The following SYT1 variants were observed in gnomAD, a reference collection of about 807,000 sequenced individuals.
SYT1 encodes the protein synaptotagmin 1.
In SYT1, 8 loss-of-function variants were observed where a neutral mutation model predicts 44.8. That is an observed-to-expected ratio of 0.18 (90% confidence interval 0.10 to 0.32). The LOEUF (loss-of-function observed/expected upper bound fraction) is 0.32. SYT1 is among the 10% of genes least tolerant of loss of function. The pLI, the probability that SYT1 is intolerant of heterozygous loss-of-function variation, is 1.00. For missense variants in SYT1, 286 were observed against 509.3 expected (o/e 0.56, Z 4.22); for synonymous variants, 154 against 188.8 (o/e 0.82, Z 1.51).
At chr12:79,180,698 A>G (rs1172497021) in intron 3 of SYT1, among the ~76,000 whole-genome samples, 1 of 151,990 alleles carries the variant, frequency 6.6e-6, no homozygotes, top group Non-Finnish European at 1.5e-5. Flanking sequence ...TCTCAAGAAA[A>G]TGAACTCACT....
intron 1 of SYT1, among the ~76,000 whole-genome samples, chr12:78,929,260 G>A (rs1299677218): frequency 6.6e-6 from 1 of 150,926 alleles, no homozygotes; most frequent in Non-Finnish European, 1.5e-5. Flanking sequence ...AAATTAGCTG[G>A]ACGTGGCAGC....
chr12:79,296,488 ACATCTAAAAAG>A (rs1879880692), intron 7 of SYT1, among the ~76,000 whole-genome samples: 1 of 152,200 alleles, frequency 6.6e-6, no homozygotes, highest in Non-Finnish European at 1.5e-5. Flanking sequence ...TGTCATAGTC[ACATCTAAAAAG>A]TGAGATCCCT....
At chr12:79,301,116 T>C (rs1014340721) in intron 8 of SYT1, among the ~76,000 whole-genome samples, 8 of 152,046 alleles carry the variant, frequency 5.3e-5, no homozygotes, top group African/African-American at 9.7e-5. Flanking sequence ...TTTTGGGTGA[T>C]AAAGTAGGAC....
chr12:79,075,093 C>T (rs1349378583), intron 3 of SYT1, among the ~76,000 whole-genome samples: 1 of 152,120 alleles, frequency 6.6e-6, no homozygotes, highest in East Asian at 1.9e-4. Context: ...AGAACAAGCC[C>T]TATATTTGCA....
chr12:78,968,248 C>T (rs1174745775), intron 1 of SYT1, among the ~76,000 whole-genome samples: 1 of 152,004 alleles, frequency 6.6e-6, no homozygotes, highest in African/African-American at 2.4e-5. Flanking sequence ...GAATTCTTAA[C>T]CCAAAATCAC....
chr12:79,098,558 T>C (rs1878277794), intron 3 of SYT1, among the ~76,000 whole-genome samples: 1 of 152,134 alleles, frequency 6.6e-6, no homozygotes, highest in African/African-American at 2.4e-5. Context: ...TTCAATTAAA[T>C]ATATTAAAGT....
At chr12:79,157,431 C>T (rs919838725) in intron 3 of SYT1, among the ~76,000 whole-genome samples, 2 of 152,166 alleles carry the variant, frequency 1.3e-5, no homozygotes, top group Non-Finnish European at 2.9e-5. Context: ...TATTTAGAGA[C>T]TTCTTTTTTG....
intron 4 of SYT1, among the ~76,000 whole-genome samples, chr12:79,224,970 G>A (rs1392012904): frequency 2.6e-5 from 4 of 151,592 alleles, no homozygotes; most frequent in African/African-American, 4.8e-5. Context: ...TAGTAGAGAC[G>A]GGATTTCTCC....
chr12:79,144,623 A>G (rs949025512), intron 3 of SYT1, among the ~76,000 whole-genome samples: 4 of 152,216 alleles, frequency 2.6e-5, no homozygotes, highest in Admixed American at 2.6e-4. Flanking sequence ...TGGGTCAGCC[A>G]GTGCAACTAT....
chr12:79,387,898 T>C (rs1180370298), intron 9 of SYT1, among the ~76,000 whole-genome samples: 1 of 152,268 alleles, frequency 6.6e-6, no homozygotes, highest in Non-Finnish European at 1.5e-5. Flanking sequence ...AGACTGTTTA[T>C]GTTTGGCATA....
chr12:79,105,887 G>GAA (rs548347157), intron 3 of SYT1, among the ~76,000 whole-genome samples: 29 of 96,514 alleles, frequency 3.0e-4, no homozygotes, highest in African/African-American at 1.1e-3. Context: ...CTCAAGAAAA[G>GAA]AAAAAAAAAA....
chr12:79,018,427 G>T (rs532930332), intron 2 of SYT1, among the ~76,000 whole-genome samples: 1 of 151,916 alleles, frequency 6.6e-6, no homozygotes, highest in Non-Finnish European at 1.5e-5. Flanking sequence ...CACCAACATG[G>T]CACATGTATA....
chr12:79,358,356 CTG>C lies in SYT1; in HGVS notation c.928+4739_928+4740del, dbSNP rs577199056. 9.8e-4 allele frequency among the ~76,000 whole-genome samples: 150 copies of C among 152,296 alleles called. 1 individual carries two copies. Among genetic ancestry groups the C allele is most frequent in the African/African-American group, 3.2e-3 (135 of 41,556 alleles). On this transcript the variant is annotated intron_variant, in intron 9 of 10. Coordinates refer to ENST00000261205, the MANE Select transcript of SYT1 (RefSeq NM_005639.3). ...ACTTCAATCTGAGAATTATTTTTAA[CTG>C]TTAAAAAGTCACATTATCAGTTATA...
chr12:79,386,777 T>G (rs1047106001), intron 9 of SYT1, among the ~76,000 whole-genome samples: 1 of 152,300 alleles, frequency 6.6e-6, no homozygotes, highest in East Asian at 1.9e-4. Flanking sequence ...GTCTCCTCAA[T>G]GCCTAGCCTC....
intron 3 of SYT1, among the ~76,000 whole-genome samples, chr12:79,188,569 A>C (rs769225845): frequency 1.3e-5 from 2 of 152,044 alleles, no homozygotes; most frequent in Non-Finnish European, 2.9e-5. Context: ...TTTTTTTTAC[A>C]AGGGTTGACC....
intron 1 of SYT1, among the ~76,000 whole-genome samples, chr12:78,960,955 T>C (rs1305121395): frequency 1.2e-4 from 19 of 152,142 alleles, no homozygotes; most frequent in Admixed American, 1.2e-3. Flanking sequence ...CCAATATGGC[T>C]CTGTCATCCA....
chr12:79,435,132 A>C (rs1386402524), intron 9 of SYT1, among the ~76,000 whole-genome samples: 1 of 152,070 alleles, frequency 6.6e-6, no homozygotes, highest in Non-Finnish European at 1.5e-5. Flanking sequence ...GTATAGTGTG[A>C]TGATATAAGA....
At chr12:79,250,543 A>T (rs1877138555) in intron 4 of SYT1, among the ~76,000 whole-genome samples, 2 of 152,210 alleles carry the variant, frequency 1.3e-5, no homozygotes, top group African/African-American at 4.8e-5. Context: ...GTGGAAATGT[A>T]TTTATAATTT....
intron 4 of SYT1, among the ~76,000 whole-genome samples, chr12:79,228,536 C>T (rs574358117): frequency 6.6e-6 from 1 of 152,132 alleles, no homozygotes; most frequent in Non-Finnish European, 1.5e-5. Context: ...TCCCCTTCTC[C>T]TTCACTGACT....
Sources: gnomAD v4.1 joint callset for allele counts (sites outside exome capture counted in the v4.1 genomes callset) on GRCh38, gnomAD v4.1.1 for gene constraint, MANE v1.5 for transcripts, NCBI Gene and HGNC (gene_info 2026-07-23, HGNC 2026-07-21) for gene names.